Variants in KCNIP1 observed in about 807,000 individuals in gnomAD.
KCNIP1 encodes potassium voltage-gated channel interacting protein 1.
In KCNIP1, 18 loss-of-function variants were observed where a neutral mutation model predicts 33.0. The ratio of observed to expected loss-of-function variants is 0.55; its 90% confidence interval spans 0.38 to 0.81. The LOEUF is 0.81. KCNIP1 is among the 30% of genes least tolerant of loss of function. The pLI is 0.00. For missense variants in KCNIP1, 238 were observed against 271.6 expected, an observed-to-expected ratio of 0.88 and a Z score of 0.87; for synonymous variants, 93 against 98.3, an observed-to-expected ratio of 0.95 and a Z score of 0.32.
chr5:170,583,990 TC>T (rs1235993200), intron 1 of KCNIP1, among the ~76,000 whole-genome samples: 2 of 152,188 alleles, frequency 1.3e-5, no homozygotes, highest in Non-Finnish European at 2.9e-5. Flanking sequence ...GACATTGGCC[TC>T]ACTGAGGTAA....
At chr5:170,669,830 A>G (rs1761848928) in intron 1 of KCNIP1, among the ~76,000 whole-genome samples, 1 of 152,196 alleles carries the variant, frequency 6.6e-6, no homozygotes, top group African/African-American at 2.4e-5. Context: ...TCCCCCTCCC[A>G]TGCTCTGTTC....
upstream of KCNIP1, among the ~76,000 whole-genome samples, chr5:170,502,172 T>C (rs1757426766): frequency 6.6e-6 from 1 of 152,220 alleles, no homozygotes; most frequent in Admixed American, 6.5e-5. Context: ...ATCAGGCACC[T>C]GCTTAATTCA....
At chr5:170,538,078 C>T (rs986359376) in intron 1 of KCNIP1, among the ~76,000 whole-genome samples, 6 of 152,208 alleles carry the variant, frequency 3.9e-5, no homozygotes, top group African/African-American at 1.4e-4. Flanking sequence ...GAAGCTACTA[C>T]AGCCTTTCCC....
chr5:170,512,799 C>T (rs1181396647), intron 1 of KCNIP1, among the ~76,000 whole-genome samples: 1 of 152,130 alleles, frequency 6.6e-6, no homozygotes, highest in Non-Finnish European at 1.5e-5. Flanking sequence ...CCTGTAATCC[C>T]AGCACTTTGG....
intron 1 of KCNIP1, among the ~76,000 whole-genome samples, chr5:170,419,335 G>A (rs1459433480): frequency 6.6e-6 from 1 of 152,178 alleles, no homozygotes; most frequent in Non-Finnish European, 1.5e-5. Flanking sequence ...GTGGAGGAAG[G>A]AAGCCAAGGG....
exon 1 of KCNIP1, chr5:170,353,929 C>A (rs1391749625): frequency 1.2e-6 from 2 of 1,614,210 alleles, no homozygotes; most frequent in East Asian, 2.2e-5. Flanking sequence ...TTTGCCCAGA[C>A]CATCTTTAAG....
At chr5:170,509,086 A>C (rs1015105293) in intron 1 of KCNIP1, among the ~76,000 whole-genome samples, 11 of 152,092 alleles carry the variant, frequency 7.2e-5, no homozygotes, top group African/African-American at 2.4e-4. Flanking sequence ...AGAATTGCAG[A>C]CCCTGCAGGA....
chr5:170,682,120 G>A (rs1182715836), intron 1 of KCNIP1, among the ~76,000 whole-genome samples: 1 of 152,210 alleles, frequency 6.6e-6, no homozygotes, highest in African/African-American at 2.4e-5. Context: ...CAAAGGACTA[G>A]CTAAAATACC....
rs750137527 is a variant in KCNIP1 at position 170,359,749 on chromosome 5, C to A, written c.88+5785C>A. Among the ~76,000 whole-genome samples the A allele has an allele frequency of 2.6e-5, 4 of 152,178 alleles. 1 individual carries two copies. The highest frequency in any genetic ancestry group is 4.1e-4 in the South Asian group (2 of 4,832). The stretch of plus-strand genomic sequence containing the variant: ...CATCCCAGCCTACTGGCCTCACCAC[C>A]CTTGCCCCTCTGCAGCAGGCCCAGC... On this transcript the variant is annotated intron_variant, in intron 1 of 7. Coordinates refer to the KCNIP1 transcript ENST00000377360.
intron 1 of KCNIP1, among the ~76,000 whole-genome samples, chr5:170,354,392 G>A (rs1438662472): frequency 1.3e-5 from 2 of 152,228 alleles, no homozygotes; most frequent in African/African-American, 2.4e-5. Flanking sequence ...GCCAGTGGGA[G>A]GTGGTGATGG....
chr5:170,481,591 A>C (rs577317613), intron 1 of KCNIP1, among the ~76,000 whole-genome samples: 2 of 152,258 alleles, frequency 1.3e-5, no homozygotes, highest in Non-Finnish European at 2.9e-5. Context: ...TATATGTTAC[A>C]CCTCACTTTT....
At chr5:170,687,126 C>A (rs1461825155) in intron 1 of KCNIP1, among the ~76,000 whole-genome samples, 4 of 152,084 alleles carry the variant, frequency 2.6e-5, no homozygotes, top group Admixed American at 1.3e-4. Context: ...TCTTAAAAAT[C>A]CGGTTTCTCC....
intron 1 of KCNIP1, among the ~76,000 whole-genome samples, chr5:170,687,664 A>G (rs1762585109): frequency 6.6e-6 from 1 of 152,238 alleles, no homozygotes; most frequent in Non-Finnish European, 1.5e-5. Context: ...TAGGGGAGGC[A>G]TTGCTATGTT....
At chr5:170,598,103 C>G (rs1758530246) in intron 1 of KCNIP1, among the ~76,000 whole-genome samples, 1 of 152,156 alleles carries the variant, frequency 6.6e-6, no homozygotes, top group Non-Finnish European at 1.5e-5. Flanking sequence ...CAGTCGCTGT[C>G]TCTAGCCCTT....
At chr5:170,464,033 A>G (rs1193327233) in intron 1 of KCNIP1, among the ~76,000 whole-genome samples, 1 of 126,322 alleles carries the variant, frequency 7.9e-6, no homozygotes, top group Non-Finnish European at 1.8e-5. Flanking sequence ...AATTCAAAAA[A>G]CAATCCCACT....
At chr5:170,719,117 T>C (rs1403383962) in intron 2 of KCNIP1, among the ~76,000 whole-genome samples, 3 of 151,878 alleles carry the variant, frequency 2.0e-5, no homozygotes, top group African/African-American at 4.8e-5. Flanking sequence ...TTTCACAGGG[T>C]GGCACATCCT....
chr5:170,589,710 TTGGTG>T (rs879743726), intron 1 of KCNIP1, among the ~76,000 whole-genome samples: 1 of 136,000 alleles, frequency 7.4e-6, no homozygotes, highest in Non-Finnish European at 1.6e-5. Flanking sequence ...TCTGTTTGGT[TTGGTG>T]TGGTGTGATG....
At chr5:170,458,305 C>T (rs972503723) in intron 1 of KCNIP1, among the ~76,000 whole-genome samples, 1 of 152,166 alleles carries the variant, frequency 6.6e-6, no homozygotes, top group South Asian at 2.1e-4. Flanking sequence ...CTCCCCCAGC[C>T]TTGCTAGAGC....
intron 1 of KCNIP1, among the ~76,000 whole-genome samples, chr5:170,488,817 C>G (rs935569495): frequency 6.6e-6 from 1 of 152,132 alleles, no homozygotes; most frequent in South Asian, 2.1e-4. Flanking sequence ...GGAGCATCCA[C>G]GTGAGCAAAT....
Sources: allele counts gnomAD v4.1 joint callset (sites outside exome capture counted in the v4.1 genomes callset), GRCh38; gene constraint gnomAD v4.1.1; transcripts MANE v1.5; gene names NCBI Gene and HGNC (gene_info 2026-07-23, HGNC 2026-07-21).